PRELID2: variants seen among roughly 807,000 people sequenced by gnomAD.
PRELID2 encodes PRELI domain-containing protein 2.
Under a neutral mutation model 28.4 loss-of-function variants are expected in PRELID2, and 25 were observed. The ratio of observed to expected loss-of-function variants is 0.88; its 90% CI spans 0.64 to 1.23. The LOEUF is 1.23. Among genes scored for constraint, PRELID2 ranks in the 50% most tolerant of loss-of-function variants. The probability of loss-of-function intolerance (pLI) is 0.00; values close to 1 mark genes in which losing one functional copy is unlikely to be tolerated. For synonymous variants in PRELID2, 76 were observed against 71.6 expected (o/e 1.06, Z -0.31); for missense variants, 201 against 214.4 (o/e 0.94, Z 0.39).
chr5:145,497,139 C>T lies in PRELID2; in HGVS notation n.71-23824G>A, dbSNP rs892662980. ...TCAACCTCCCAAAGCTCTGGGATTA[C>T]AGGCATGAGCCACCATGCCCAGCTC... On this transcript the variant is annotated intron_variant and non_coding_transcript_variant, in intron 1 of 2. Coordinates refer to the PRELID2 transcript ENST00000510259. 6.3e-4 allele frequency among the ~76,000 whole-genome samples: 96 copies of T among 152,294 alleles called. 1 individual carries two copies. Among genetic ancestry groups the T allele is most frequent in the African/African-American group, 2.2e-3 (93 of 41,578 alleles).
the PRELID2 span, among the ~76,000 whole-genome samples, chr5:145,461,941 G>A: frequency 1.3e-5 from 2 of 152,180 alleles, no homozygotes; most frequent in South Asian, 4.1e-4. Flanking sequence ...TGCAGCATGA[G>A]TAAAAAATAA....
intron 5 of PRELID2, among the ~76,000 whole-genome samples, chr5:145,786,484 C>T (rs1239841227): frequency 3.3e-5 from 5 of 152,272 alleles, no homozygotes; most frequent in East Asian, 1.9e-4. Context: ...AAGGGAGGCC[C>T]GCTGAATCCT....
At chr5:145,581,014 T>G (rs1052839209) in intron 1 of PRELID2, among the ~76,000 whole-genome samples, 1 of 151,980 alleles carries the variant, frequency 6.6e-6, no homozygotes, top group East Asian at 1.9e-4. Flanking sequence ...CTACTTTGTA[T>G]CTTGTCTTTC....
chr5:145,382,275 T>C, the PRELID2 span, among the ~76,000 whole-genome samples: 2 of 152,080 alleles, frequency 1.3e-5, no homozygotes, highest in Middle Eastern at 6.9e-3. Context: ...GTGTGAATAA[T>C]GTTAAGCAGT....
chr5:145,261,796 A>G, the PRELID2 span, among the ~76,000 whole-genome samples: 6 of 152,280 alleles, frequency 3.9e-5, no homozygotes, highest in East Asian at 9.7e-4. Flanking sequence ...AACACCCCCA[A>G]AAGATCACAC....
the PRELID2 span, among the ~76,000 whole-genome samples, chr5:145,325,251 G>A: frequency 6.6e-6 from 1 of 152,172 alleles, no homozygotes; most frequent in Non-Finnish European, 1.5e-5. Context: ...AAAGCCCAAA[G>A]TATATTATTT....
intron 1 of PRELID2, among the ~76,000 whole-genome samples, chr5:145,582,106 G>C (rs1034205295): frequency 2.0e-5 from 3 of 151,942 alleles, no homozygotes; most frequent in Non-Finnish European, 4.4e-5. Flanking sequence ...CACAGTCTCT[G>C]GGGTCACAAA....
chr5:145,420,110 T>A, the PRELID2 span, among the ~76,000 whole-genome samples: 5 of 150,492 alleles, frequency 3.3e-5, no homozygotes, highest in East Asian at 2.0e-4. Context: ...TGGTACCAGT[T>A]CCATGCTGTT....
chr5:145,270,334 A>C, the PRELID2 span, among the ~76,000 whole-genome samples: 1 of 152,174 alleles, frequency 6.6e-6, no homozygotes, highest in South Asian at 2.1e-4. Flanking sequence ...TCAGGTGTGC[A>C]TCAATGAAAG....
At chr5:145,698,331 AG>A (rs1305164049) in intron 1 of PRELID2, among the ~76,000 whole-genome samples, 2 of 152,232 alleles carry the variant, frequency 1.3e-5, no homozygotes, top group Non-Finnish European at 2.9e-5. Context: ...ATTTAAGAAC[AG>A]CTATGTCCCT....
At chr5:145,820,317 T>TTCAGGGAATCTGAAAAC (rs1754690424) in intron 2 of PRELID2, among the ~76,000 whole-genome samples, 1 of 152,126 alleles carries the variant, frequency 6.6e-6, no homozygotes, top group Non-Finnish European at 1.5e-5. Flanking sequence ...CCTGACACTT[T>TTCAGGGAATCTGAAAAC]TCAGGGCCGA....
intron 1 of PRELID2, among the ~76,000 whole-genome samples, chr5:145,524,873 C>G (rs1394528465): frequency 2.0e-5 from 3 of 152,196 alleles, no homozygotes; most frequent in Non-Finnish European, 4.4e-5. Context: ...ATACCTATCT[C>G]ACGGGTTTAC....
At chr5:145,273,584 T>TTTCAGCATC in the PRELID2 span, among the ~76,000 whole-genome samples, 1 of 152,268 alleles carries the variant, frequency 6.6e-6, no homozygotes, top group South Asian at 2.1e-4. Context: ...CGGAAATGCT[T>TTTCAGCATC]TTCAGCATCC....
intron 5 of PRELID2, among the ~76,000 whole-genome samples, chr5:145,778,311 G>A (rs796748278): frequency 6.6e-6 from 1 of 152,054 alleles, no homozygotes. Flanking sequence ...ATACAGGGAC[G>A]ACTGGACGAC....
the PRELID2 span, among the ~76,000 whole-genome samples, chr5:145,349,521 G>T: frequency 6.6e-6 from 1 of 151,854 alleles, no homozygotes; most frequent in South Asian, 2.1e-4. Context: ...CCTGTGCCTA[G>T]CAGGATAATT....
intron 1 of PRELID2, among the ~76,000 whole-genome samples, chr5:145,723,122 A>C (rs1756037622): frequency 6.6e-6 from 1 of 152,208 alleles, no homozygotes; most frequent in Admixed American, 6.5e-5. Context: ...GCTTATAAAT[A>C]CTAATGCAAA....
chr5:145,335,767 T>C, the PRELID2 span, among the ~76,000 whole-genome samples: 2 of 152,326 alleles, frequency 1.3e-5, no homozygotes, highest in Non-Finnish European at 2.9e-5. Context: ...GAACCTTGCA[T>C]AGTCCTTTGG....
At chr5:145,636,387 G>A (rs534068990) in intron 1 of PRELID2, among the ~76,000 whole-genome samples, 1 of 152,268 alleles carries the variant, frequency 6.6e-6, no homozygotes, top group South Asian at 2.1e-4. Context: ...TGTATCTAAA[G>A]AGTGTGCTCA....
the PRELID2 span, among the ~76,000 whole-genome samples, chr5:145,310,914 CT>C: frequency 6.6e-6 from 1 of 150,970 alleles, no homozygotes; most frequent in Middle Eastern, 3.2e-3. Context: ...GAATATTTTT[CT>C]GTTACAAGCC....
Sources: allele counts gnomAD v4.1 joint callset (sites outside exome capture counted in the v4.1 genomes callset), GRCh38; gene constraint gnomAD v4.1.1; transcripts MANE v1.5; gene names NCBI Gene and HGNC (gene_info 2026-07-23, HGNC 2026-07-21).